The following XPO4 variants were observed in gnomAD, a reference collection of about 807,000 sequenced individuals.
The protein encoded by XPO4 is exportin 4, also known as exportin-4.
In XPO4, 39 loss-of-function variants were observed where a neutral mutation model predicts 143.0. That is an observed-to-expected ratio of 0.27 (90% CI 0.21 to 0.36). XPO4 has a LOEUF of 0.36. XPO4 is among the 10% of genes least tolerant of loss of function. The pLI, the probability that XPO4 is intolerant of heterozygous loss-of-function variation, is 1.00. For synonymous variants in XPO4, 439 were observed against 474.0 expected (o/e 0.93, Z 0.96); for missense variants, 907 against 1,348.0 (o/e 0.67, Z 5.12).
intron 4 of XPO4, chr13:20,850,909 A>C: frequency 1.0e-6 from 1 of 985,366 alleles, no homozygotes; most frequent in Non-Finnish European, 1.2e-6. Flanking sequence ...TATCTAATTT[A>C]ATGGTTCATG....
intron 15 of XPO4, 71 bp downstream of exon 15, chr13:20,800,085 C>G: frequency 6.4e-7 from 1 of 1,560,806 alleles, no homozygotes; most frequent in South Asian, 1.2e-5. Flanking sequence ...CAAAGGACTA[C>G]ACTAAGAAGT....
At chr13:20,862,892 T>G (rs369619081) in intron 2 of XPO4, 34 bp from the exon 3 acceptor site, 52 of 1,608,844 alleles carry the variant, frequency 3.2e-5, no homozygotes, top group Non-Finnish European at 4.2e-5. Context: ...ATTTAAACAA[T>G]AATTCATTTT....
In XPO4 at chr13:20,808,551, A is replaced by G. The variant is rs1349489351; in HGVS notation, c.1524T>C (p.His508=). The G allele has an allele frequency of 1.3e-6, 2 of 1,553,332 alleles. No individual in the cohort carries two copies. Among genetic ancestry groups the G allele is most frequent in the East Asian group, 2.3e-5 (1 of 44,050 alleles). The change falls in exon 12 of 23, where the codon CAT becomes CAC. Residue 508 remains histidine (H), a synonymous_variant. Coordinates refer to ENST00000255305, the MANE Select transcript of XPO4 (RefSeq NM_022459.5). ...SLLEERVTRL[H]GQLQRHQQQL... Reference sequence around the variant, plus strand: ...GTTGCTGATGTCGTTGTAACTGACCATGGAGTCTTGTTACTCTTTCTTCTA... The same window carrying G: ...GTTGCTGATGTCGTTGTAACTGACCGTGGAGTCTTGTTACTCTTTCTTCTA...
intron 1 of XPO4, among the ~76,000 whole-genome samples, chr13:20,878,326 C>T (rs1472706848): frequency 6.6e-6 from 1 of 152,112 alleles, no homozygotes; most frequent in Non-Finnish European, 1.5e-5. Context: ...CTTCTACCAC[C>T]TTCTAGACAT....
At chr13:20,843,722 A>G in intron 5 of XPO4, 48 bp downstream of exon 5, 1 of 1,327,200 alleles carries the variant, frequency 7.5e-7, no homozygotes, top group Non-Finnish European at 1.1e-6. Flanking sequence ...GATTGAGTAA[A>G]AAGTGAATGA....
chr13:20,834,645 T>TAA (rs5802089), intron 6 of XPO4, among the ~76,000 whole-genome samples: 5,431 of 144,298 alleles, frequency 0.038, 206 homozygotes, highest in African/African-American at 0.095. Context: ...TTGAAAGAAA[T>TAA]AAAAAAAAAA....
chr13:20,902,339 C>T (rs2060629278), intron 1 of XPO4: 1 of 985,312 alleles, frequency 1.0e-6, no homozygotes, highest in Non-Finnish European at 1.2e-6. Flanking sequence ...GCGGGGATAA[C>T]CCCAACTCCT....
chr13:20,857,345 T>C (rs908464191), intron 3 of XPO4, among the ~76,000 whole-genome samples: 4 of 152,240 alleles, frequency 2.6e-5, no homozygotes, highest in Admixed American at 6.5e-5. Flanking sequence ...GAATGCTTAC[T>C]ATATGCAAGA....
rs1398030745 is a variant in XPO4, at chr13:20,777,361, TCTA to T, written c.*6358_*6360del. ...TAAATACAATGGAATTTATTGAGCA[TCTA>T]CTATTATATTTCATCCATCACTTTT... On this transcript the variant is annotated 3_prime_UTR_variant, in exon 23 of 23. Coordinates refer to ENST00000255305, the MANE Select transcript of XPO4 (RefSeq NM_022459.5). 3 of 152,230 alleles carry T rather than the reference TCTA, an allele frequency of 2.0e-5. No individual in the cohort carries two copies. The highest frequency in any genetic ancestry group is 2.9e-5 in the Non-Finnish European group (2 of 68,046). 9.4% of individuals were successfully genotyped at this position (152,230 alleles called of 1,614,324 possible). A position where few individuals can be genotyped will look rare whatever the true frequency, so the allele number is the denominator to read the frequency against.
chr13:20,891,112 C>A (rs2060511054), intron 1 of XPO4, among the ~76,000 whole-genome samples: 1 of 110,264 alleles, frequency 9.1e-6, no homozygotes. Context: ...AGCAAAACTC[C>A]ATCTCAATTT....
chr13:20,869,351 T>G (rs2060272649), intron 1 of XPO4: 1 of 222,188 alleles, frequency 4.5e-6, no homozygotes, highest in Admixed American at 6.5e-5. Context: ...TTAACAATCG[T>G]TCTTCTAAAG....
chr13:20,840,077 T>C (rs1284445407), intron 6 of XPO4, among the ~76,000 whole-genome samples: 1 of 152,090 alleles, frequency 6.6e-6, no homozygotes, highest in Non-Finnish European at 1.5e-5. Flanking sequence ...AATGGGGGAT[T>C]GTTACTGATA....
chr13:20,801,081 T>C, intron 13 of XPO4, 91 bp from the exon 14 acceptor site: 1 of 1,451,860 alleles, frequency 6.9e-7, no homozygotes, highest in Non-Finnish European at 9.3e-7. Flanking sequence ...TTTTTGTCTT[T>C]CAGTTCTCTG....
intron 1 of XPO4, 125 bp from the exon 2 acceptor site, chr13:20,868,826 C>A: frequency 1.3e-6 from 1 of 782,026 alleles, no homozygotes; most frequent in Non-Finnish European, 2.0e-6. Context: ...CAAATTCTTG[C>A]TTAACTTTTT....
At position 20,803,254 on chromosome 13, in the gene XPO4, C is replaced by T. The variant is rs1335833609; in HGVS notation, c.1818-2264G>A. ...TGTTATTTAATGCAAAGGACTGAAA[C>T]CTGCTAACTGTCCACTCACTAGTGA... is the stretch of plus-strand genomic sequence containing the variant. On this transcript the variant is annotated intron_variant, in intron 13 of 22. Transcript: ENST00000255305. The surrounding 1 kb of genome is among the most constrained non-coding windows in gnomAD (Gnocchi z 4.1). 6.6e-6 allele frequency among the ~76,000 whole-genome samples: 1 copy of T among 152,178 alleles called. No homozygotes were observed.
intron 18 of XPO4, among the ~76,000 whole-genome samples, chr13:20,791,065 A>G (rs184055725): frequency 1.3e-5 from 2 of 152,192 alleles, no homozygotes; most frequent in Non-Finnish European, 2.9e-5. Context: ...AGTTTAAAAA[A>G]GAACAACCAA....
intron 4 of XPO4, among the ~76,000 whole-genome samples, chr13:20,844,465 A>G (rs928114672): frequency 3.9e-5 from 6 of 152,232 alleles, no homozygotes; most frequent in African/African-American, 7.2e-5. Context: ...CAGGCTCCTA[A>G]TATCAACTCA....
rs1183855269 is a variant in XPO4, at chr13:20,892,040, T to TG, written c.69+10629_69+10630insC. Among the ~76,000 whole-genome samples the TG allele has an allele frequency of 2.9e-4, 44 of 151,786 alleles. 1 individual carries two copies. The highest frequency in any genetic ancestry group is 6.8e-3 in the Middle Eastern group (2 of 294). ...AGTTTTTTTTTGTTTTGTTTTGTTT[T>TG]TTTTTTTCGAGATGGAGTTTTGCTC... On this transcript the variant is annotated intron_variant, in intron 1 of 22. Transcript: ENST00000255305.
chr13:20,827,391 T>C (rs1335781839), intron 6 of XPO4, among the ~76,000 whole-genome samples: 1 of 152,214 alleles, frequency 6.6e-6, no homozygotes, highest in Non-Finnish European at 1.5e-5. Flanking sequence ...TGTAAGGTAA[T>C]GCTTTCATTG....
Sources: gnomAD v4.1 joint callset for allele counts (sites outside exome capture counted in the v4.1 genomes callset) on GRCh38, gnomAD v4.1.1 for gene constraint, Gnocchi (gnomAD v3.1) non-coding constraint, MANE v1.5 for transcripts, NCBI Gene and HGNC (gene_info 2026-07-23, HGNC 2026-07-21) for gene names.